The following CFAP299 variants were observed in gnomAD, a reference collection of about 807,000 sequenced individuals.
CFAP299 encodes the protein cilia and flagella associated protein 299, also known as cilia- and flagella-associated protein 299.
A neutral mutation model predicts 27.0 loss-of-function variants in CFAP299; 21 were observed. That is an observed-to-expected ratio of 0.78 (90% CI 0.55 to 1.12). The LOEUF (loss-of-function observed/expected upper bound fraction) is 1.12. Among genes scored for constraint, CFAP299 ranks in the 50% most tolerant of loss-of-function variants. The pLI is 0.00. For synonymous variants in CFAP299, 104 were observed against 98.1 expected, an observed-to-expected ratio of 1.06 and a Z score of -0.36; for missense variants, 310 against 276.6, an observed-to-expected ratio of 1.12 and a Z score of -0.86.
At chr4:80,850,771 G>C (rs1186306073) in intron 3 of CFAP299, among the ~76,000 whole-genome samples, 1 of 151,994 alleles carries the variant, frequency 6.6e-6, no homozygotes, top group African/African-American at 2.4e-5. Context: ...ATAGAGTGAG[G>C]AATGAACGGT....
intron 2 of CFAP299, among the ~76,000 whole-genome samples, chr4:80,467,113 G>A (rs971178902): frequency 6.6e-6 from 1 of 152,180 alleles, no homozygotes; most frequent in Non-Finnish European, 1.5e-5. Flanking sequence ...GTTTGGAGCA[G>A]TAGTATGTTG....
the CFAP299 span, among the ~76,000 whole-genome samples, chr4:80,328,159 T>A: frequency 6.6e-6 from 1 of 151,764 alleles, no homozygotes; most frequent in East Asian, 1.9e-4. Flanking sequence ...GAGGAAGGGG[T>A]GATGATAAAT....
rs918185018 is a variant in CFAP299, at chr4:80,460,352, C to A, written c.242+97468C>A. On this transcript the variant is annotated intron_variant, in intron 2 of 5. Coordinates refer to ENST00000358105, the MANE Select transcript of CFAP299 (RefSeq NM_152770.3). ...AGATGCAAATCTTCACAAAAGGCAA[C>A]CTTTTAGCTATTCTTGTGTTTTTAG... is the stretch of plus-strand genomic sequence containing the variant. Among the ~76,000 whole-genome samples the A allele has an allele frequency of 4.6e-5, 7 of 152,098 alleles. No individual in the cohort carries two copies. In the South Asian group the frequency reaches 1.0e-3, roughly 23 times the overall value.
At chr4:80,490,006 G>A (rs1013232909) in intron 2 of CFAP299, among the ~76,000 whole-genome samples, 1 of 152,062 alleles carries the variant, frequency 6.6e-6, no homozygotes, top group Admixed American at 6.6e-5. Flanking sequence ...GCTTACATTA[G>A]TCTCTTGGGG....
intron 5 of CFAP299, among the ~76,000 whole-genome samples, chr4:80,959,088 T>C (rs1578268945): frequency 1.3e-5 from 2 of 152,136 alleles, no homozygotes; most frequent in East Asian, 3.9e-4. Context: ...TTTTGTGGTA[T>C]GCAAAACAAT....
chr4:80,585,668 G>T (rs1198812350), intron 3 of CFAP299, among the ~76,000 whole-genome samples: 1 of 152,090 alleles, frequency 6.6e-6, no homozygotes, highest in Non-Finnish European at 1.5e-5. Flanking sequence ...TATACAAATG[G>T]TTAATGTGAT....
At chr4:80,361,283 A>C (rs1323350037) in intron 1 of CFAP299, among the ~76,000 whole-genome samples, 1 of 152,252 alleles carries the variant, frequency 6.6e-6, no homozygotes, top group Admixed American at 6.5e-5. Flanking sequence ...TATTCAAAAT[A>C]AATATAGCAA....
At chr4:80,661,392 A>G (rs534943314) in intron 3 of CFAP299, among the ~76,000 whole-genome samples, 6 of 152,038 alleles carry the variant, frequency 3.9e-5, no homozygotes, top group African/African-American at 1.2e-4. Flanking sequence ...GGCTGAAGCC[A>G]TGTCAGAAGA....
At chr4:80,759,332 G>A (rs1460553156) in intron 3 of CFAP299, among the ~76,000 whole-genome samples, 1 of 152,104 alleles carries the variant, frequency 6.6e-6, no homozygotes, top group Non-Finnish European at 1.5e-5. Context: ...ATGTATATTA[G>A]GTAAGGTTAT....
chr4:80,387,457 G>A (rs1395728728), intron 2 of CFAP299: 1 of 830,982 alleles, frequency 1.2e-6, no homozygotes, highest in African/African-American at 1.7e-5. Flanking sequence ...CTACCTGCTT[G>A]GGTTTCCGGC....
intron 3 of CFAP299, among the ~76,000 whole-genome samples, 156 bp from the exon 4 acceptor site, chr4:80,869,837 G>C (rs959340547): frequency 2.0e-5 from 3 of 152,130 alleles, no homozygotes; most frequent in African/African-American, 7.2e-5. Context: ...AGGTGCAGTG[G>C]GGAAAAAGAA....
chr4:80,325,216 A>G, the CFAP299 span, among the ~76,000 whole-genome samples: 2 of 152,346 alleles, frequency 1.3e-5, no homozygotes, highest in East Asian at 1.9e-4. Context: ...CACACAGTAC[A>G]TATTTGTGTT....
At chr4:80,726,945 A>G (rs1270089881) in intron 3 of CFAP299, among the ~76,000 whole-genome samples, 1 of 152,016 alleles carries the variant, frequency 6.6e-6, no homozygotes, top group Non-Finnish European at 1.5e-5. Context: ...CTTTTAGTTC[A>G]CTAATTTAGT....
At chr4:80,471,075 C>T in intron 2 of CFAP299, among the ~76,000 whole-genome samples, 1 of 150,216 alleles carries the variant, frequency 6.7e-6, no homozygotes, top group South Asian at 2.1e-4. Flanking sequence ...ACTGTTATCC[C>T]TATTTTACAA....
chr4:80,510,036 G>T (rs1400709175), intron 2 of CFAP299, among the ~76,000 whole-genome samples: 2 of 152,014 alleles, frequency 1.3e-5, no homozygotes, highest in Non-Finnish European at 2.9e-5. Flanking sequence ...TTGGTTTAAT[G>T]CTCTGTCACC....
In CFAP299 at chr4:80,810,897, T is replaced by C. The variant is rs575214804; in HGVS notation, c.334-59096T>C. On this transcript the variant is annotated intron_variant, in intron 3 of 5. Coordinates refer to ENST00000358105, the MANE Select transcript of CFAP299 (RefSeq NM_152770.3). ...CACTCCAGCCTGATGCAACATCCCC[T>C]GTTCTGAACCTTCAGCAAAACATGC... Among the ~76,000 whole-genome samples, 532 of 152,264 alleles carry C rather than the reference T, an allele frequency of 3.5e-3. 3 individuals are homozygous for C. The highest frequency in any genetic ancestry group is 4.0e-3 in the Non-Finnish European group (275 of 67,998).
chr4:80,349,691 A>G (rs1168270311), intron 1 of CFAP299, among the ~76,000 whole-genome samples: 1 of 152,230 alleles, frequency 6.6e-6, no homozygotes, highest in Non-Finnish European at 1.5e-5. Flanking sequence ...ATTTCTATAG[A>G]TGAAGAAAAA....
chr4:80,558,948 T>A (rs1052420103), intron 2 of CFAP299, among the ~76,000 whole-genome samples: 1 of 152,108 alleles, frequency 6.6e-6, no homozygotes, highest in Non-Finnish European at 1.5e-5. Context: ...AAAATCATAA[T>A]CATTTCTATT....
intron 5 of CFAP299, among the ~76,000 whole-genome samples, chr4:80,956,250 G>A (rs1479527498): frequency 3.9e-5 from 6 of 152,134 alleles, no homozygotes; most frequent in Admixed American, 3.9e-4. Flanking sequence ...GTTAGACCAT[G>A]TCAATTTACA....
Sources: allele counts gnomAD v4.1 joint callset (sites outside exome capture counted in the v4.1 genomes callset), GRCh38; gene constraint gnomAD v4.1.1; transcripts MANE v1.5; gene names NCBI Gene and HGNC (gene_info 2026-07-23, HGNC 2026-07-21).